DIP2B: variants seen among roughly 807,000 people sequenced by gnomAD.
The protein encoded by DIP2B is disco-interacting protein 2 homolog B.
A neutral mutation model predicts 198.0 loss-of-function variants in DIP2B; 76 were observed. The observed-to-expected ratio is 0.38, with a 90% CI of 0.32 to 0.46. The LOEUF (loss-of-function observed/expected upper bound fraction) is 0.46, where lower values mean the gene tolerates loss of function less well. Ranked by LOEUF, DIP2B falls within the 20% of genes least tolerant of loss-of-function variation. The probability of loss-of-function intolerance (pLI) is 0.99; values close to 1 mark genes in which losing one functional copy is unlikely to be tolerated. For synonymous variants in DIP2B, 701 were observed against 739.1 expected, an observed-to-expected ratio of 0.95 and a Z score of 0.84; for missense variants, 1,559 against 1,978.4, an observed-to-expected ratio of 0.79 and a Z score of 4.02.
chr12:50,686,051 A>G, intron 11 of DIP2B, 95 bp downstream of exon 11: 3 of 1,261,560 alleles, frequency 2.4e-6, no homozygotes, highest in South Asian at 1.6e-5. Flanking sequence ...CTTTACATAT[A>G]TGTTCTATTT....
At chr12:50,664,662 G>T (rs958908846) in intron 4 of DIP2B, among the ~76,000 whole-genome samples, 1 of 151,836 alleles carries the variant, frequency 6.6e-6, no homozygotes, top group African/African-American at 2.4e-5. Context: ...CCTTTGCTGC[G>T]TTCTGAGAGT....
intron 3 of DIP2B, among the ~76,000 whole-genome samples, chr12:50,655,354 C>G (rs1001330039): frequency 6.6e-6 from 1 of 152,192 alleles, no homozygotes; most frequent in African/African-American, 2.4e-5. Flanking sequence ...ATGTATGTAT[C>G]TACTACCTAT....
intron 1 of DIP2B, among the ~76,000 whole-genome samples, chr12:50,624,490 A>G (rs538804181): frequency 6.6e-6 from 1 of 152,084 alleles, no homozygotes; most frequent in South Asian, 2.1e-4. Context: ...GTGCCACCAC[A>G]CCCAGCTAAT....
intron 4 of DIP2B, among the ~76,000 whole-genome samples, chr12:50,661,698 A>G (rs1429784819): frequency 6.6e-6 from 1 of 152,202 alleles, no homozygotes; most frequent in Non-Finnish European, 1.5e-5. Flanking sequence ...CCTCATGGAC[A>G]AAGGGGGCTC....
intron 2 of DIP2B, among the ~76,000 whole-genome samples, chr12:50,639,693 T>G (rs1042728394): frequency 1.3e-5 from 2 of 152,108 alleles, no homozygotes; most frequent in African/African-American, 4.8e-5. Context: ...ATATTAGGCA[T>G]TTAATTTGCT....
At chr12:50,665,600 C>T (rs999038546) in intron 4 of DIP2B, among the ~76,000 whole-genome samples, 1 of 151,550 alleles carries the variant, frequency 6.6e-6, no homozygotes, top group African/African-American at 2.4e-5. Context: ...TTTTTTAATT[C>T]CTTCATAGTG....
chr12:50,628,517 A>G (rs541778407), intron 2 of DIP2B, among the ~76,000 whole-genome samples: 3 of 152,358 alleles, frequency 2.0e-5, no homozygotes, highest in Admixed American at 1.3e-4. Context: ...AGACAGCTGC[A>G]TTGCCCCCTT....
intron 7 of DIP2B, among the ~76,000 whole-genome samples, chr12:50,677,212 C>G (rs1283288511): frequency 6.6e-6 from 1 of 152,192 alleles, no homozygotes; most frequent in Non-Finnish European, 1.5e-5. Context: ...CCCCACTTCT[C>G]ACGCACTGCT....
intron 1 of DIP2B, among the ~76,000 whole-genome samples, chr12:50,578,601 G>C (rs954632448): frequency 7.0e-6 from 1 of 142,058 alleles, no homozygotes; most frequent in African/African-American, 2.7e-5. Context: ...TCGGCCTCCC[G>C]GGTTCATGCC....
At chr12:50,706,114 C>T (rs1291946093) in intron 20 of DIP2B, among the ~76,000 whole-genome samples, 1 of 152,180 alleles carries the variant, frequency 6.6e-6, no homozygotes, top group Non-Finnish European at 1.5e-5. Flanking sequence ...CTGAGACGGT[C>T]ATTCTCCTAT....
chr12:50,529,934 G>GA (rs1201356963), intron 1 of DIP2B, among the ~76,000 whole-genome samples: 1 of 152,174 alleles, frequency 6.6e-6, no homozygotes, highest in Non-Finnish European at 1.5e-5. Flanking sequence ...CCATTAAATT[G>GA]AATTTCACGG....
At chr12:50,646,749 C>CGAG (rs959721967) in intron 3 of DIP2B, among the ~76,000 whole-genome samples, 24 of 152,128 alleles carry the variant, frequency 1.6e-4, no homozygotes, top group African/African-American at 5.5e-4. Context: ...GACTTTTACT[C>CGAG]TAAGTATGGA....
At chr12:50,514,804 C>T (rs1315376722) in intron 1 of DIP2B, among the ~76,000 whole-genome samples, 2 of 151,994 alleles carry the variant, frequency 1.3e-5, no homozygotes, top group African/African-American at 4.8e-5. Flanking sequence ...ACTACAGGTA[C>T]ATTCCACCAT....
Position 50,698,533 on chromosome 12 carries a change from T to A in DIP2B, c.2188+66T>A. 4 of 1,552,164 alleles carry A rather than the reference T, an allele frequency of 2.6e-6. No homozygotes were observed. The African/African-American group carries it at 4.1e-5, about 16-fold the overall frequency. ...TGTCATCAGAGATAATAGAGCCTGA[T>A]AAAATACAGAATCCCAAACGAGGAA... On this transcript the variant is annotated intron_variant, in intron 18 of 37. Transcript: ENST00000301180.
chr12:50,646,855 C>T (rs931806421), intron 3 of DIP2B, among the ~76,000 whole-genome samples: 1 of 152,166 alleles, frequency 6.6e-6, no homozygotes, highest in African/African-American at 2.4e-5. Flanking sequence ...AATCTCTGAT[C>T]TGGTGATGGC....
intron 19 of DIP2B, among the ~76,000 whole-genome samples, chr12:50,702,943 A>G (rs946496695): frequency 3.9e-5 from 6 of 152,158 alleles, no homozygotes; most frequent in African/African-American, 1.4e-4. Flanking sequence ...AATTTTTTTA[A>G]GTCTGAGTAT....
intron 1 of DIP2B, among the ~76,000 whole-genome samples, chr12:50,563,798 AT>A (rs35142813): frequency 0.28 from 40,919 of 147,694 alleles, 5,839 homozygotes; most frequent in East Asian, 0.39. Flanking sequence ...GCCCAGCCTA[AT>A]TTTTTTTTTT....
intron 1 of DIP2B, among the ~76,000 whole-genome samples, chr12:50,551,242 G>T (rs1021844546): frequency 6.6e-6 from 1 of 152,150 alleles, no homozygotes; most frequent in African/African-American, 2.4e-5. Flanking sequence ...TGGCCAACAT[G>T]GCGAAACCCC....
intron 37 of DIP2B, 107 bp downstream of exon 37, chr12:50,741,646 G>GCT: frequency 7.1e-7 from 1 of 1,408,262 alleles, no homozygotes; most frequent in Non-Finnish European, 9.6e-7. Flanking sequence ...GAAACATAGA[G>GCT]CTCCATGGGA....
Sources: allele counts gnomAD v4.1 joint callset (sites outside exome capture counted in the v4.1 genomes callset), GRCh38; gene constraint gnomAD v4.1.1; transcripts MANE v1.5; gene names NCBI Gene and HGNC (gene_info 2026-07-23, HGNC 2026-07-21).